ELAPOR2: variants seen among roughly 807,000 people sequenced by gnomAD.
ELAPOR2 encodes the protein endosome-lysosome associated apoptosis and autophagy regulator family member 2.
ELAPOR2 carries 89 observed loss-of-function variants against 120.7 expected under a neutral mutation model. That is an observed-to-expected ratio of 0.74 (90% CI 0.62 to 0.88). ELAPOR2 has a LOEUF of 0.88. Among genes scored for constraint, ELAPOR2 ranks in the 40% least tolerant of loss-of-function variants. The pLI is 0.00. For synonymous variants in ELAPOR2, 444 were observed against 444.9 expected (o/e 1.00, Z 0.03); for missense variants, 1,134 against 1,251.6 (o/e 0.91, Z 1.42).
Position 86,914,763 on chromosome 7 carries a change from G to A in ELAPOR2, c.1691C>T (p.Thr564Ile), listed in dbSNP as rs1040047943. The change falls in exon 13 of 22, where the codon ACA (threonine) becomes ATA (isoleucine). Residue 564 changes from threonine (T) to isoleucine (I), a missense_variant. By Grantham distance (89) the Thr-to-Ile change is moderately conservative (BLOSUM62 -1). Around this residue, in one of 3 missense-constraint regions of ELAPOR2, gnomAD observed 831 missense variants for 867.6 expected, o/e 0.96. Coordinates refer to ENST00000450689, the MANE Select transcript of ELAPOR2 (RefSeq NM_001142749.3). ...AGTTCTCTGGAATGCCCATGTAAAT[G>A]TAAAAGTTGCATTCTTGAAGATGAT... is the stretch of plus-strand genomic sequence containing the variant. ...THIIFKNATFTFTWAFQRTNQ... is the reference protein window; with the variant it reads ...THIIFKNATFIFTWAFQRTNQ... The A allele has an allele frequency of 1.9e-6, 3 of 1,611,960 alleles. No homozygotes were observed. Among genetic ancestry groups the A allele is most frequent in the Non-Finnish European group, 2.5e-6 (3 of 1,179,026 alleles).
intron 5 of ELAPOR2, among the ~76,000 whole-genome samples, chr7:86,940,612 ACT>A (rs1478540991): frequency 1.3e-5 from 2 of 151,986 alleles, no homozygotes; most frequent in African/African-American, 4.8e-5. Context: ...ATCTGATTTA[ACT>A]CTCTTACTCT....
chr7:86,986,163 C>CACTG, intron 1 of ELAPOR2, among the ~76,000 whole-genome samples: 1 of 125,460 alleles, frequency 8.0e-6, no homozygotes, highest in African/African-American at 3.5e-5. Context: ...TAGAAAACCC[C>CACTG]TCACGCCTGT....
chr7:86,918,592 A>G (rs749110519), intron 11 of ELAPOR2, 48 bp from the exon 12 acceptor site: 9 of 1,135,516 alleles, frequency 7.9e-6, no homozygotes, highest in Non-Finnish European at 1.2e-5. Flanking sequence ...TTCTAAATAC[A>G]ATTTAGAATA....
At chr7:87,038,635 A>G (rs1360284156) in intron 1 of ELAPOR2, among the ~76,000 whole-genome samples, 1 of 152,176 alleles carries the variant, frequency 6.6e-6, no homozygotes. Flanking sequence ...AATAAGAGCA[A>G]TTTTGGAAAC....
chr7:87,042,842 A>G (rs1261124658), intron 1 of ELAPOR2, among the ~76,000 whole-genome samples: 1 of 152,228 alleles, frequency 6.6e-6, no homozygotes, highest in African/African-American at 2.4e-5. Flanking sequence ...TGAAAGGATC[A>G]ACAAAATTGA....
At chr7:86,914,906 A>G (rs1431395494) in intron 12 of ELAPOR2, 46 bp from the exon 13 acceptor site, 2 of 1,407,088 alleles carry the variant, frequency 1.4e-6, no homozygotes, top group Non-Finnish European at 2.0e-6. Flanking sequence ...CACAAACTCA[A>G]CATTAATATA....
intron 8 of ELAPOR2, among the ~76,000 whole-genome samples, chr7:86,936,443 A>G (rs765668245): frequency 6.6e-6 from 1 of 152,124 alleles, no homozygotes; most frequent in Non-Finnish European, 1.5e-5. Flanking sequence ...AAAATTTCAA[A>G]TTCACATATG....
At chr7:86,902,527 A>G (rs1424768741) in intron 18 of ELAPOR2, among the ~76,000 whole-genome samples, 1 of 152,190 alleles carries the variant, frequency 6.6e-6, no homozygotes. Flanking sequence ...GAGAGCCACC[A>G]TGAGCTGATA....
intron 1 of ELAPOR2, among the ~76,000 whole-genome samples, chr7:86,974,962 G>A (rs1792232129): frequency 6.6e-6 from 1 of 152,150 alleles, no homozygotes; most frequent in South Asian, 2.1e-4. Flanking sequence ...GTAAGACACA[G>A]GTCAGATAAG....
At chr7:87,028,794 A>C (rs1194671673) in intron 1 of ELAPOR2, among the ~76,000 whole-genome samples, 1 of 152,118 alleles carries the variant, frequency 6.6e-6, no homozygotes, top group African/African-American at 2.4e-5. Context: ...AGTCTTTCAC[A>C]CACCCTAAAA....
chr7:86,884,050 A>C (rs1799570598), intron 21 of ELAPOR2, among the ~76,000 whole-genome samples: 1 of 152,156 alleles, frequency 6.6e-6, no homozygotes, highest in Non-Finnish European at 1.5e-5. Context: ...AATATAATAA[A>C]ATTTGTATGG....
chr7:86,983,599 G>C (rs1160620526), intron 1 of ELAPOR2, among the ~76,000 whole-genome samples: 1 of 152,186 alleles, frequency 6.6e-6, no homozygotes, highest in Non-Finnish European at 1.5e-5. Flanking sequence ...CTTCATAAGT[G>C]AAGGAGAAAT....
intron 7 of ELAPOR2, among the ~76,000 whole-genome samples, 185 bp from the exon 8 acceptor site, chr7:86,938,399 T>C (rs1790654883): frequency 6.6e-6 from 1 of 151,974 alleles, no homozygotes; most frequent in Admixed American, 6.6e-5. Context: ...GAGCAATAAG[T>C]GTTTCTATGA....
In ELAPOR2 at chr7:86,880,347, C is replaced by T. The variant is rs1484475120; in HGVS notation, c.*124G>A. 36 of 738,760 alleles carry T rather than the reference C, an allele frequency of 4.9e-5. No homozygotes were observed. Among genetic ancestry groups the T allele is most frequent in the South Asian group, 4.1e-4 (26 of 63,110 alleles). 45.8% of individuals were successfully genotyped at this position (738,760 alleles called of 1,614,324 possible). On this transcript the variant is annotated 3_prime_UTR_variant, in exon 22 of 22. Transcript: ENST00000450689. ...TGTTTCAATCTCCTTCCCTTTTCAG[C>T]GGCATGGCCCTCCTCTGTGAGATCA...
chr7:87,002,082 G>A (rs370412774), intron 1 of ELAPOR2, among the ~76,000 whole-genome samples: 1 of 152,144 alleles, frequency 6.6e-6, no homozygotes, highest in East Asian at 1.9e-4. Context: ...ATTACCAATG[G>A]TATGTCAAGG....
intron 1 of ELAPOR2, among the ~76,000 whole-genome samples, chr7:87,037,408 C>G (rs1023501118): frequency 7.9e-5 from 12 of 151,848 alleles, no homozygotes; most frequent in Non-Finnish European, 1.6e-4. Context: ...TAAAAGACAG[C>G]AGCATCTACT....
At chr7:86,891,689 C>T in intron 21 of ELAPOR2, 35 bp downstream of exon 21, 1 of 1,575,714 alleles carries the variant, frequency 6.3e-7, no homozygotes, top group Non-Finnish European at 8.6e-7. Context: ...ACTTTATAAA[C>T]ACCCAGTAAC....
At position 86,879,781 on chromosome 7, in the gene ELAPOR2, GTTT is replaced by G. The variant is rs1434144049; in HGVS notation, c.*687_*689del. ...TTCTCGTTACCTTTCTTACTTTTTTGTTTTTTAGATTCCTTCAAACTTTCAGTC... is the reference window on the plus strand; with the variant it reads ...TTCTCGTTACCTTTCTTACTTTTTTGTTTAGATTCCTTCAAACTTTCAGTC... On this transcript the variant is annotated 3_prime_UTR_variant, in exon 22 of 22. Transcript: ENST00000450689. The G allele has an allele frequency of 6.6e-6, 1 of 152,028 alleles. No homozygotes were observed. Among genetic ancestry groups the G allele is most frequent in the Non-Finnish European group, 1.5e-5 (1 of 67,988 alleles). 9.4% of individuals were successfully genotyped at this position (152,028 alleles called of 1,614,324 possible). A position where few individuals can be genotyped will look rare whatever the true frequency, so the allele number is the denominator to read the frequency against.
intron 1 of ELAPOR2, among the ~76,000 whole-genome samples, chr7:87,006,803 C>A (rs1412849263): frequency 6.6e-6 from 1 of 152,008 alleles, no homozygotes; most frequent in Non-Finnish European, 1.5e-5. Flanking sequence ...TAGAAACAAC[C>A]CAAATGTCCA....
Sources: gnomAD v4.1 joint callset for allele counts (sites outside exome capture counted in the v4.1 genomes callset) on GRCh38, gnomAD v4.1.1 for gene constraint, gnomAD v4.1.1 regional missense constraint, MANE v1.5 for transcripts, NCBI Gene and HGNC (gene_info 2026-07-23, HGNC 2026-07-21) for gene names.